The following CHST8 variants were observed in gnomAD, a reference collection of about 807,000 sequenced individuals.
The protein encoded by CHST8 is carbohydrate sulfotransferase 8.
In CHST8, 10 loss-of-function variants were observed where a neutral mutation model predicts 15.0. The ratio of observed to expected loss-of-function variants is 0.67; its 90% CI spans 0.41 to 1.13. The LOEUF is 1.13. CHST8 is among the 50% of genes most tolerant of loss of function. The pLI, the probability that CHST8 is intolerant of heterozygous loss-of-function variation, is 0.00. For synonymous variants in CHST8, 259 were observed against 256.6 expected (o/e 1.01, Z -0.09); for missense variants, 634 against 608.2 (o/e 1.04, Z -0.45).
chr19:33,702,874 C>G (rs996883980), intron 3 of CHST8, among the ~76,000 whole-genome samples: 1 of 152,194 alleles, frequency 6.6e-6, no homozygotes, highest in Non-Finnish European at 1.5e-5. Context: ...AGGATTACCT[C>G]GGGTCTGGAG....
intron 2 of CHST8, among the ~76,000 whole-genome samples, chr19:33,679,200 G>C (rs1972852463): frequency 6.6e-6 from 1 of 152,220 alleles, no homozygotes; most frequent in Non-Finnish European, 1.5e-5. Flanking sequence ...TTTCAATTTT[G>C]AGAAGTAAAT....
intron 3 of CHST8, among the ~76,000 whole-genome samples, chr19:33,734,008 G>T (rs1289303254): frequency 6.6e-6 from 1 of 152,210 alleles, no homozygotes; most frequent in Non-Finnish European, 1.5e-5. Context: ...CTTGACTAGG[G>T]CCTGGGAAAA....
intron 3 of CHST8, among the ~76,000 whole-genome samples, chr19:33,707,220 CT>C (rs1234352594): frequency 6.6e-6 from 1 of 152,180 alleles, no homozygotes; most frequent in Non-Finnish European, 1.5e-5. Context: ...GCCCGGCTAA[CT>C]TTCCAATTTT....
At chr19:33,709,094 T>C (rs1973500676) in intron 3 of CHST8, among the ~76,000 whole-genome samples, 1 of 152,234 alleles carries the variant, frequency 6.6e-6, no homozygotes, top group Admixed American at 6.5e-5. Context: ...CTGTAATTTG[T>C]TAGTTAATTC....
chr19:33,693,263 C>A (rs1372361779), intron 3 of CHST8, among the ~76,000 whole-genome samples: 1 of 152,148 alleles, frequency 6.6e-6, no homozygotes, highest in African/African-American at 2.4e-5. Context: ...ACCTCGGCCT[C>A]CCAAAGTGCT....
chr19:33,753,450 CCCACCCACCATCCTCCCACCA>C (rs1974462941), intron 3 of CHST8, among the ~76,000 whole-genome samples: 2 of 25,244 alleles, frequency 7.9e-5, no homozygotes, highest in African/African-American at 5.5e-4. Context: ...CCTCCCACCA[CCCACCCACCATCCTCCCACCA>C]CCCACCCACC....
chr19:33,640,413 C>G (rs1173036701), intron 1 of CHST8, among the ~76,000 whole-genome samples: 1 of 152,230 alleles, frequency 6.6e-6, no homozygotes, highest in Non-Finnish European at 1.5e-5. Context: ...CTCTCCAGGT[C>G]TGTCCGTTCC....
intron 3 of CHST8, among the ~76,000 whole-genome samples, chr19:33,689,770 C>A (rs1244912260): frequency 1.3e-5 from 2 of 152,240 alleles, no homozygotes; most frequent in Non-Finnish European, 2.9e-5. Flanking sequence ...CCATGCCCCA[C>A]AAGCAAGACT....
intron 3 of CHST8, among the ~76,000 whole-genome samples, chr19:33,720,924 C>T (rs181256057): frequency 2.0e-4 from 30 of 152,358 alleles, no homozygotes; most frequent in East Asian, 1.5e-3. Flanking sequence ...CCGACGTGGA[C>T]GCAGGGAGGA....
intron 2 of CHST8, among the ~76,000 whole-genome samples, chr19:33,672,980 G>C (rs945738720): frequency 3.3e-5 from 5 of 152,198 alleles, no homozygotes; most frequent in African/African-American, 1.2e-4. Context: ...ACCACTCCCT[G>C]TGACCCCATG....
intron 3 of CHST8, among the ~76,000 whole-genome samples, chr19:33,725,527 A>G (rs1283592553): frequency 3.3e-5 from 5 of 152,158 alleles, no homozygotes; most frequent in Non-Finnish European, 7.4e-5. Context: ...CCCTGAGCTC[A>G]GTGAGCCTTC....
chr19:33,655,264 T>C (rs943387292), intron 1 of CHST8, among the ~76,000 whole-genome samples: 1 of 152,170 alleles, frequency 6.6e-6, no homozygotes, highest in Non-Finnish European at 1.5e-5. Context: ...CTCGAACTCC[T>C]AATCTCAAGA....
chr19:33,648,570 A>G (rs1291080430), intron 1 of CHST8, among the ~76,000 whole-genome samples: 1 of 152,198 alleles, frequency 6.6e-6, no homozygotes, highest in Non-Finnish European at 1.5e-5. Context: ...TCTAAAAAAT[A>G]AAAAATTAAA....
chr19:33,749,235 C>T (rs1046406092), intron 3 of CHST8, among the ~76,000 whole-genome samples: 16 of 152,142 alleles, frequency 1.1e-4, no homozygotes, highest in Non-Finnish European at 2.4e-4. Flanking sequence ...GAGCCAGGGA[C>T]AACTGAGTTT....
At chr19:33,692,973 C>T (rs538510858) in intron 3 of CHST8, among the ~76,000 whole-genome samples, 2 of 151,676 alleles carry the variant, frequency 1.3e-5, no homozygotes, top group East Asian at 1.9e-4. Flanking sequence ...GACATCCTAT[C>T]AATTCAGCTA....
chr19:33,701,525 G>A (rs1052896114), intron 3 of CHST8, among the ~76,000 whole-genome samples: 3 of 152,170 alleles, frequency 2.0e-5, no homozygotes, highest in Non-Finnish European at 4.4e-5. Flanking sequence ...AATTAAAAAG[G>A]AGAGCAGAAT....
At chr19:33,748,944 G>T (rs1233166392) in intron 3 of CHST8, among the ~76,000 whole-genome samples, 1 of 152,170 alleles carries the variant, frequency 6.6e-6, no homozygotes, top group Non-Finnish European at 1.5e-5. Flanking sequence ...GAGCCTCAAG[G>T]AGTGAGGCTG....
chr19:33,661,684 A>G lies in CHST8; in HGVS notation c.-163-6083A>G, dbSNP rs185522156. 2.3e-3 allele frequency among the ~76,000 whole-genome samples: 352 copies of G among 152,284 alleles called. 3 individuals are homozygous for G. The highest frequency in any genetic ancestry group is 8.2e-3 in the African/African-American group (341 of 41,572). On this transcript the variant is annotated intron_variant, in intron 1 of 4. Transcript: ENST00000650847. ...CTCCTTTGGCTCCCCCTGAATGGGC[A>G]GAGGAGCTGCCTCTCATCTGTTCTT...
chr19:33,626,523 T>A (rs548267870), intron 1 of CHST8, among the ~76,000 whole-genome samples: 1 of 152,224 alleles, frequency 6.6e-6, no homozygotes. Flanking sequence ...AGGTAGGTCA[T>A]GGGGGTGGCC....
Sources: allele counts gnomAD v4.1 joint callset (sites outside exome capture counted in the v4.1 genomes callset), GRCh38; gene constraint gnomAD v4.1.1; transcripts MANE v1.5; gene names NCBI Gene and HGNC (gene_info 2026-07-23, HGNC 2026-07-21).